DOCK2: variants seen among roughly 807,000 people sequenced by gnomAD.
The protein encoded by DOCK2 is dedicator of cytokinesis 2, also known as dedicator of cytokinesis protein 2.
Under a neutral mutation model 248.9 loss-of-function variants are expected in DOCK2, and 87 were observed. The observed-to-expected ratio is 0.35, with a 90% confidence interval of 0.29 to 0.42. The LOEUF (loss-of-function observed/expected upper bound fraction) is 0.42. Among genes scored for constraint, DOCK2 ranks in the 10% least tolerant of loss-of-function variants. The pLI is 1.00. For missense variants in DOCK2, 1,747 were observed against 2,300.2 expected (o/e 0.76, Z 4.92); for synonymous variants, 805 against 821.6 (o/e 0.98, Z 0.35).
chr5:169,821,202 A>G (rs1254466580), intron 26 of DOCK2, among the ~76,000 whole-genome samples: 3 of 152,352 alleles, frequency 2.0e-5, no homozygotes, highest in Admixed American at 6.5e-5. Context: ...TCTGCAGGAT[A>G]TTATCCAGGA....
intron 1 of DOCK2, among the ~76,000 whole-genome samples, chr5:169,639,791 TA>T (rs1183511953): frequency 1.3e-5 from 2 of 152,342 alleles, no homozygotes; most frequent in African/African-American, 4.8e-5. Flanking sequence ...TGTACCCAGC[TA>T]AAAATTAGGA....
chr5:169,979,638 T>C (rs1777868585), intron 27 of DOCK2, among the ~76,000 whole-genome samples: 1 of 152,204 alleles, frequency 6.6e-6, no homozygotes, highest in Non-Finnish European at 1.5e-5. Context: ...AAAAAGATGC[T>C]TCTAGTCAGA....
chr5:169,717,084 A>G (rs894141795), intron 20 of DOCK2, among the ~76,000 whole-genome samples: 3 of 152,156 alleles, frequency 2.0e-5, no homozygotes, highest in South Asian at 2.1e-4. Flanking sequence ...GAGATTCACA[A>G]TGTACATAAG....
intron 42 of DOCK2, 80 bp downstream of exon 42, chr5:170,055,466 G>T: frequency 7.7e-7 from 1 of 1,304,438 alleles, no homozygotes; most frequent in Non-Finnish European, 1.1e-6. Context: ...TGGCAGAACA[G>T]ACCCCAGTGT....
chr5:170,072,082 C>A (rs545494316), intron 46 of DOCK2, among the ~76,000 whole-genome samples: 3 of 152,208 alleles, frequency 2.0e-5, no homozygotes, highest in Admixed American at 2.0e-4. Context: ...TAATGCTATT[C>A]TGAACTTCCT....
At chr5:169,863,775 T>TA (rs1771356167) in intron 27 of DOCK2, among the ~76,000 whole-genome samples, 1 of 152,228 alleles carries the variant, frequency 6.6e-6, no homozygotes, top group Non-Finnish European at 1.5e-5. Context: ...CTCTTGTGCT[T>TA]ATTATGTATG....
chr5:169,815,326 G>A (rs981185236), intron 26 of DOCK2, among the ~76,000 whole-genome samples: 34 of 152,176 alleles, frequency 2.2e-4, no homozygotes, highest in African/African-American at 7.5e-4. Flanking sequence ...TGATCCACCA[G>A]GTTCTGTTCC....
At chr5:169,834,821 C>T (rs1561747189) in intron 26 of DOCK2, among the ~76,000 whole-genome samples, 1 of 152,208 alleles carries the variant, frequency 6.6e-6, no homozygotes, top group Non-Finnish European at 1.5e-5. Context: ...TTAAAGAGAA[C>T]TAAGGAACAA....
intron 2 of DOCK2, among the ~76,000 whole-genome samples, chr5:169,664,933 T>G: frequency 6.6e-6 from 1 of 151,306 alleles, no homozygotes; most frequent in Non-Finnish European, 1.5e-5. Context: ...ATCACTCATA[T>G]AAATATCAGC....
At chr5:169,672,434 G>A (rs60757963) in intron 5 of DOCK2, among the ~76,000 whole-genome samples, 2,021 of 152,172 alleles carry the variant, frequency 0.013, 28 homozygotes, top group African/African-American at 0.026. Context: ...CTAGTACTTC[G>A]GTATCACATT....
intron 32 of DOCK2, among the ~76,000 whole-genome samples, chr5:170,016,094 C>T (rs187250280): frequency 6.6e-6 from 1 of 152,222 alleles, no homozygotes; most frequent in Non-Finnish European, 1.5e-5. Flanking sequence ...CCACCCACAC[C>T]CCCCTGAGCT....
chr5:169,903,313 A>AG (rs1774056407), intron 27 of DOCK2, among the ~76,000 whole-genome samples: 1 of 57,724 alleles, frequency 1.7e-5, no homozygotes, highest in South Asian at 7.0e-4. Flanking sequence ...AACAACAATA[A>AG]AAAAAAAAAA....
At chr5:170,043,785 G>A (rs992442276) in intron 38 of DOCK2, among the ~76,000 whole-genome samples, 1 of 152,210 alleles carries the variant, frequency 6.6e-6, no homozygotes, top group African/African-American at 2.4e-5. Flanking sequence ...CAGTGTGAGA[G>A]CCTAAAAGTA....
intron 23 of DOCK2, among the ~76,000 whole-genome samples, chr5:169,758,581 G>A: frequency 6.6e-6 from 1 of 152,200 alleles, no homozygotes; most frequent in Middle Eastern, 3.2e-3. Flanking sequence ...TACGAGAAAT[G>A]GCTCTAAGTG....
chr5:169,681,644 T>A, intron 6 of DOCK2, 100 bp from the exon 7 acceptor site: 2 of 1,413,112 alleles, frequency 1.4e-6, no homozygotes, highest in South Asian at 1.5e-5. Flanking sequence ...TGTGACTATA[T>A]GACCCCCAGA....
chr5:169,814,886 T>A (rs200476835), intron 26 of DOCK2, among the ~76,000 whole-genome samples: 1 of 152,162 alleles, frequency 6.6e-6, no homozygotes, highest in Admixed American at 6.5e-5. Flanking sequence ...CAGAAAGGAC[T>A]AGCCTTACTA....
intron 27 of DOCK2, among the ~76,000 whole-genome samples, chr5:169,912,545 C>T (rs1479597078): frequency 1.3e-5 from 2 of 152,148 alleles, no homozygotes; most frequent in African/African-American, 4.8e-5. Flanking sequence ...CTACTCCAAT[C>T]CATAACTTTC....
rs190809622 is a variant in DOCK2 at position 169,869,776 on chromosome 5, C to T, written c.2799+28924C>T. Among the ~76,000 whole-genome samples the T allele has an allele frequency of 3.4e-3, 521 of 152,322 alleles. 6 individuals carry two copies. The highest frequency in any genetic ancestry group is 5.1e-3 in the Non-Finnish European group (345 of 68,036). On this transcript the variant is annotated intron_variant, in intron 27 of 51. Coordinates refer to ENST00000520908, the MANE Select transcript of DOCK2 (RefSeq NM_004946.3). ...GGGAGAGACTCTCTGCTTTGGGTTT[C>T]AGCCCAAGGATCCAAATAGCACACC...
In DOCK2 at chr5:169,901,215, A is replaced by G. The variant is rs138456723; in HGVS notation, c.2799+60363A>G. Among the ~76,000 whole-genome samples the G allele has an allele frequency of 4.4e-4, 67 of 152,262 alleles. No individual in the cohort carries two copies. In the East Asian group the frequency reaches 0.012, roughly 27 times the overall value. On this transcript the variant is annotated intron_variant, in intron 27 of 51. Coordinates refer to ENST00000520908, the MANE Select transcript of DOCK2 (RefSeq NM_004946.3). ...GAAAAGAGGGTGTCCAGGCAAACGA[A>G]CATTGTGCACACTGGCTCTGATGCA...
Sources: gnomAD v4.1 joint callset for allele counts (sites outside exome capture counted in the v4.1 genomes callset) on GRCh38, gnomAD v4.1.1 for gene constraint, MANE v1.5 for transcripts, NCBI Gene and HGNC (gene_info 2026-07-23, HGNC 2026-07-21) for gene names.